Variants in IREB2 observed in about 807,000 individuals in gnomAD.
IREB2 encodes the protein iron-responsive element-binding protein 2.
IREB2 carries 39 observed loss-of-function variants against 118.8 expected under a neutral mutation model. The observed-to-expected ratio is 0.33, with a 90% confidence interval of 0.25 to 0.43. IREB2 has a LOEUF of 0.43. Among genes scored for constraint, IREB2 ranks in the 20% least tolerant of loss-of-function variants. The pLI is 1.00. For missense variants in IREB2, 900 were observed against 1,147.3 expected (o/e 0.78, Z 3.11); for synonymous variants, 372 against 392.2 (o/e 0.95, Z 0.61).
chr15:78,445,159 ACAGAGTCTTGCTGTGTTGCC>A lies in IREB2; in HGVS notation c.106+5282_106+5301del, dbSNP rs1490564954. Among the ~76,000 whole-genome samples the A allele has an allele frequency of 1.0e-3, 138 of 134,736 alleles. 1 individual carries two copies. The highest frequency in any genetic ancestry group is 3.5e-3 in the African/African-American group (131 of 37,632). The allele number at this position is 134,736 out of a possible 152,430, so 88.4% of individuals were successfully genotyped here. A position where few individuals can be genotyped will look rare whatever the true frequency, so the allele number is the denominator to read the frequency against. On this transcript the variant is annotated intron_variant, in intron 2 of 21. Transcript: ENST00000258886. ...TTATTTTTTTTTTTTTTTTTTTGAG[ACAGAGTCTTGCTGTGTTGCC>A]CAGGCTGGAGTGCAGTGGCACAGTC...
chr15:78,473,556 T>C, intron 8 of IREB2, 175 bp downstream of exon 8: 1 of 577,400 alleles, frequency 1.7e-6, no homozygotes, highest in Middle Eastern at 4.5e-4. Context: ...TAGTTTGTAC[T>C]AATAAATACA....
chr15:78,475,257 T>C (rs1400305493), intron 8 of IREB2: 1 of 152,084 alleles, frequency 6.6e-6, no homozygotes, highest in Non-Finnish European at 1.5e-5. Context: ...CCTATACCAA[T>C]CTGAGACCAT....
intron 20 of IREB2, among the ~76,000 whole-genome samples, chr15:78,494,857 G>A (rs1375276217): frequency 6.6e-6 from 1 of 152,222 alleles, no homozygotes; most frequent in Admixed American, 6.5e-5. Flanking sequence ...ACAGGCTTGA[G>A]CCATGTGCCC....
intron 19 of IREB2, 37 bp from the exon 20 acceptor site, chr15:78,494,105 T>C: frequency 1.9e-6 from 3 of 1,612,910 alleles, no homozygotes; most frequent in Non-Finnish European, 2.5e-6. Flanking sequence ...GGATCAAAAT[T>C]TGTATTAAAA....
At chr15:78,437,971 G>C (rs17483548), upstream of IREB2, among the ~76,000 whole-genome samples, 9 of 152,098 alleles carry the variant, frequency 5.9e-5, no homozygotes, top group Non-Finnish European at 1.5e-5. Context: ...GAAAACTTAA[G>C]GCCGCAACTA....
At chr15:78,489,089 G>A (rs1358524086) in intron 16 of IREB2, among the ~76,000 whole-genome samples, 2 of 152,142 alleles carry the variant, frequency 1.3e-5, no homozygotes, top group Non-Finnish European at 2.9e-5. Context: ...AGGCTTGGTG[G>A]CGCATGCCTG....
intron 2 of IREB2, among the ~76,000 whole-genome samples, chr15:78,442,658 TA>T (rs765409461): frequency 1.3e-5 from 2 of 152,240 alleles, no homozygotes; most frequent in African/African-American, 4.8e-5. Context: ...CCAATGACTT[TA>T]AGAAATACGA....
In IREB2 at chr15:78,473,326, C is replaced by G. The variant is rs757355000; in HGVS notation, c.968C>G (p.Thr323Ser). Residue 323 changes from threonine (T) to serine (S), a missense_variant, in exon 8 of 22, where the codon ACT becomes AGT. By Grantham distance (58) the Thr-to-Ser change is moderately conservative (BLOSUM62 1). Transcript: ENST00000258886. ...CCAGAGGTGGTTGGATGTGAGTTAA[C>G]TGGGTCATCAAACCCTTTTGTTACA... is the stretch of plus-strand genomic sequence containing the variant. ...TLPEVVGCEL[T>S]GSSNPFVTSI... 3 of 1,613,820 alleles carry G rather than the reference C, an allele frequency of 1.9e-6. No homozygotes were observed. In the Admixed American group the frequency reaches 5.0e-5, roughly 27 times the overall value.
intron 7 of IREB2, 66 bp downstream of exon 7, chr15:78,471,990 A>G: frequency 7.9e-7 from 1 of 1,261,530 alleles, no homozygotes; most frequent in Non-Finnish European, 1.1e-6. Context: ...TTGTAAAAGA[A>G]CATAAATTAT....
At chr15:78,495,502 A>G (rs544147874) in intron 20 of IREB2, among the ~76,000 whole-genome samples, 1 of 152,204 alleles carries the variant, frequency 6.6e-6, no homozygotes, top group South Asian at 2.1e-4. Context: ...TACCTTTTTC[A>G]TTAAGCGATT....
At chr15:78,478,562 G>A (rs2051514437) in intron 10 of IREB2, among the ~76,000 whole-genome samples, 165 bp downstream of exon 10, 1 of 152,136 alleles carries the variant, frequency 6.6e-6, no homozygotes, top group Admixed American at 6.5e-5. Context: ...AACATTAGCT[G>A]GGCATGGCTT....
At chr15:78,447,209 C>A (rs1176196204) in intron 2 of IREB2, among the ~76,000 whole-genome samples, 1 of 144,290 alleles carries the variant, frequency 6.9e-6, no homozygotes, top group Non-Finnish European at 1.5e-5. Flanking sequence ...CAGGATCTCT[C>A]TTTGTTACTC....
chr15:78,469,371 C>A (rs980113122), intron 5 of IREB2, among the ~76,000 whole-genome samples: 1 of 151,922 alleles, frequency 6.6e-6, no homozygotes, highest in Non-Finnish European at 1.5e-5. Context: ...CTAAGATATG[C>A]TTGGCTTCAA....
intron 2 of IREB2, among the ~76,000 whole-genome samples, chr15:78,449,433 A>G (rs1232965923): frequency 2.0e-5 from 3 of 152,216 alleles, no homozygotes; most frequent in Non-Finnish European, 4.4e-5. Flanking sequence ...GGCAACGTAA[A>G]CAAGTGAAAT....
intron 10 of IREB2, chr15:78,480,180 A>G (rs1431171038): frequency 3.3e-5 from 5 of 152,248 alleles, no homozygotes; most frequent in African/African-American, 1.2e-4. Context: ...AAATGAATCC[A>G]TATAGGACCC....
chr15:78,484,818 C>G lies in IREB2; in HGVS notation c.1471C>G (p.His491Asp), dbSNP rs149176868. The G allele has an allele frequency of 2.3e-5, 37 of 1,613,196 alleles. No individual in the cohort carries two copies. The African/African-American group carries it at 4.7e-4, about 20-fold the overall frequency. ...AEKQKDIVSIHYEGSEYKLSH... is the reference protein window; with the variant it reads ...AEKQKDIVSIDYEGSEYKLSH... ...AAAACAAAAGGATATTGTCTCCATT[C>G]ATTATGAAGGAAGTGAATATAAGCT... Residue 491 changes from histidine to aspartate, a missense_variant, in exon 12 of 22, where the codon CAT (histidine) becomes GAT (aspartate). Transcript: ENST00000258886.
intron 2 of IREB2, among the ~76,000 whole-genome samples, chr15:78,441,176 T>TA (rs1319269680): frequency 1.3e-5 from 2 of 152,232 alleles, no homozygotes; most frequent in African/African-American, 4.8e-5. Flanking sequence ...TATTGTGAAA[T>TA]ACAGCTATTT....
At position 78,470,608 on chromosome 15, in the gene IREB2, A is replaced by G; in HGVS notation, c.699+7A>G. ...GAGGCTTCAGTTTTTTAAGGTATAAATGATTCAGGGAAATTTTTGTATTGT... is the reference window on the plus strand; with the variant it reads ...GAGGCTTCAGTTTTTTAAGGTATAAGTGATTCAGGGAAATTTTTGTATTGT... On this transcript the variant is annotated splice_region_variant and intron_variant, in intron 6 of 21. Transcript: ENST00000258886. 1 of 1,532,662 alleles carries G rather than the reference A, an allele frequency of 6.5e-7. No homozygotes were observed. The highest frequency in any genetic ancestry group is 8.9e-7 in the Non-Finnish European group (1 of 1,120,794). 94.9% of individuals were successfully genotyped at this position (1,532,662 alleles called of 1,614,324 possible).
intron 2 of IREB2, among the ~76,000 whole-genome samples, chr15:78,460,192 A>T (rs1335474140): frequency 2.0e-5 from 3 of 152,194 alleles, no homozygotes; most frequent in Admixed American, 6.5e-5. Context: ...CATTATCTAG[A>T]TCCATTATTT....
Sources: gnomAD v4.1 joint callset for allele counts (sites outside exome capture counted in the v4.1 genomes callset) on GRCh38, gnomAD v4.1.1 for gene constraint, MANE v1.5 for transcripts, NCBI Gene and HGNC (gene_info 2026-07-23, HGNC 2026-07-21) for gene names.